The following CSMD1 variants were observed in gnomAD, a reference collection of about 807,000 sequenced individuals.
The protein encoded by CSMD1 is CUB and Sushi multiple domains 1.
CSMD1 carries 213 observed loss-of-function variants against 417.5 expected under a neutral mutation model. The ratio of observed to expected loss-of-function variants is 0.51; its 90% CI spans 0.46 to 0.57. The LOEUF (loss-of-function observed/expected upper bound fraction) is 0.57. CSMD1 is among the 20% of genes least tolerant of loss of function. The pLI is 0.00. For missense variants in CSMD1, 6,923 were observed against 4,529.7 expected (o/e 1.53, Z -15.17); for synonymous variants, 2,862 against 1,736.8 (o/e 1.65, Z -16.11).
At position 4,848,791 on chromosome 8, in the gene CSMD1, G is replaced by C. The variant is rs377437522; in HGVS notation, c.85+145541C>G. ...ACTGCTGACCTCAGGTGATTCGGCC[G>C]TCTCAGCCTTCCAAAGTGCTGGGAT... On this transcript the variant is annotated intron_variant, in intron 1 of 69. Transcript: ENST00000635120. Among the ~76,000 whole-genome samples the C allele has an allele frequency of 2.0e-5, 3 of 152,132 alleles. No homozygotes were observed. In the East Asian group the frequency reaches 5.8e-4, roughly 29 times the overall value.
At chr8:4,800,324 G>T (rs537985497) in intron 1 of CSMD1, among the ~76,000 whole-genome samples, 1 of 151,712 alleles carries the variant, frequency 6.6e-6, no homozygotes, top group South Asian at 2.1e-4. Flanking sequence ...CCACCTACTC[G>T]TGAGGCTGAG....
chr8:3,859,338 C>A (rs1585101145), intron 5 of CSMD1, among the ~76,000 whole-genome samples: 6 of 152,196 alleles, frequency 3.9e-5, no homozygotes, highest in Admixed American at 3.9e-4. Context: ...TTGTCACTTT[C>A]ATTCTCCATA....
intron 65 of CSMD1, among the ~76,000 whole-genome samples, chr8:2,951,957 G>C (rs13250846): frequency 0.16 from 24,350 of 152,118 alleles, 2,043 homozygotes; most frequent in African/African-American, 0.21. Flanking sequence ...AGTAATGAAA[G>C]GCAGTCTTTT....
At chr8:3,417,620 G>A (rs1260837154) in intron 12 of CSMD1, among the ~76,000 whole-genome samples, 2 of 152,080 alleles carry the variant, frequency 1.3e-5, no homozygotes, top group African/African-American at 4.8e-5. Flanking sequence ...GATTAAAATG[G>A]CCCAGAAATC....
intron 7 of CSMD1, among the ~76,000 whole-genome samples, chr8:3,632,471 T>A (rs1200401753): frequency 1.3e-5 from 2 of 152,134 alleles, no homozygotes; most frequent in Admixed American, 6.5e-5. Flanking sequence ...CCTACATATA[T>A]CTCATTAACA....
intron 2 of CSMD1, among the ~76,000 whole-genome samples, chr8:4,541,855 T>C (rs1056921191): frequency 3.2e-4 from 48 of 152,204 alleles, no homozygotes; most frequent in African/African-American, 1.1e-3. Context: ...CAGTCAGCAA[T>C]ATGAAATGCC....
chr8:4,070,929 G>C lies in CSMD1; in HGVS notation c.416-38830C>G, dbSNP rs1799522750. On this transcript the variant is annotated intron_variant, in intron 3 of 69. Transcript: ENST00000635120. ...CACTTTAATGATGTTGTTTTCTATG[G>C]ATGGCCTCCATGGTGTTTGATGTAA... 7.9e-5 allele frequency among the ~76,000 whole-genome samples: 12 copies of C among 152,082 alleles called. 1 individual carries two copies. In the South Asian group the frequency reaches 2.5e-3, roughly 32 times the overall value.
chr8:3,556,107 C>G (rs1489364643), intron 10 of CSMD1, among the ~76,000 whole-genome samples: 1 of 152,026 alleles, frequency 6.6e-6, no homozygotes, highest in African/African-American at 2.4e-5. Context: ...ACATAAGACT[C>G]CTCACAAAAC....
chr8:4,490,663 T>A (rs1417948919), intron 2 of CSMD1, among the ~76,000 whole-genome samples: 1 of 151,978 alleles, frequency 6.6e-6, no homozygotes, highest in African/African-American at 2.4e-5. Flanking sequence ...CTCAGAATGG[T>A]CTTAATATAC....
intron 5 of CSMD1, among the ~76,000 whole-genome samples, chr8:3,867,555 T>G (rs544347060): frequency 6.6e-6 from 1 of 152,116 alleles, no homozygotes; most frequent in Non-Finnish European, 1.5e-5. Context: ...GTGAGAGACG[T>G]CTAATCCTCT....
chr8:4,323,219 G>T (rs181163538), intron 3 of CSMD1, among the ~76,000 whole-genome samples: 2 of 152,268 alleles, frequency 1.3e-5, no homozygotes, highest in Non-Finnish European at 2.9e-5. Context: ...CCATGTGATT[G>T]TAAGAGAAGT....
intron 3 of CSMD1, among the ~76,000 whole-genome samples, chr8:4,134,237 C>T (rs541636590): frequency 2.1e-4 from 32 of 152,200 alleles, no homozygotes; most frequent in Admixed American, 1.4e-3. Flanking sequence ...CCCCAGAGTT[C>T]GTATGCTGAT....
At chr8:3,118,887 G>C (rs1005003977) in intron 41 of CSMD1, among the ~76,000 whole-genome samples, 1 of 152,172 alleles carries the variant, frequency 6.6e-6, no homozygotes, top group African/African-American at 2.4e-5. Context: ...AATTATTTAA[G>C]AAAGTAATAC....
chr8:3,225,148 A>G (rs1798424371), intron 27 of CSMD1, among the ~76,000 whole-genome samples: 1 of 152,148 alleles, frequency 6.6e-6, no homozygotes, highest in Non-Finnish European at 1.5e-5. Context: ...ATGCTTCACA[A>G]TTTTCAATAA....
chr8:3,847,278 G>A (rs1290871522), intron 5 of CSMD1, among the ~76,000 whole-genome samples: 2 of 152,162 alleles, frequency 1.3e-5, no homozygotes, highest in African/African-American at 4.8e-5. Flanking sequence ...TGATTTTTAA[G>A]TTAATCCAAA....
chr8:4,176,143 G>C lies in CSMD1; in HGVS notation c.416-144044C>G, dbSNP rs975159902. Among the ~76,000 whole-genome samples the C allele has an allele frequency of 2.6e-5, 4 of 152,022 alleles. 1 individual carries two copies. Among genetic ancestry groups the C allele is most frequent in the African/African-American group, 7.3e-5 (3 of 41,356 alleles). On this transcript the variant is annotated intron_variant, in intron 3 of 69. Coordinates refer to ENST00000635120, the MANE Select transcript of CSMD1 (RefSeq NM_033225.6). ...TCTCAAGGGCAGTCCACATTTATAGGGGTGGAAAAGAGACTCTATGTCTTG... is the reference window on the plus strand; with the variant it reads ...TCTCAAGGGCAGTCCACATTTATAGCGGTGGAAAAGAGACTCTATGTCTTG...
At chr8:4,743,232 A>G (rs1676938) in intron 1 of CSMD1, among the ~76,000 whole-genome samples, 18,915 of 152,164 alleles carry the variant, frequency 0.12, 1,305 homozygotes, top group East Asian at 0.29. Flanking sequence ...TATTTTAGAC[A>G]TAATCTATTT....
intron 2 of CSMD1, among the ~76,000 whole-genome samples, chr8:4,634,051 G>A (rs560866833): frequency 3.3e-5 from 5 of 150,220 alleles, no homozygotes; most frequent in East Asian, 3.9e-4. Context: ...ACAAAGATCA[G>A]ATTTTTCATT....
At chr8:4,332,341 C>T (rs1585249594) in intron 3 of CSMD1, among the ~76,000 whole-genome samples, 2 of 151,966 alleles carry the variant, frequency 1.3e-5, no homozygotes, top group South Asian at 2.1e-4. Context: ...CACCAAAACG[C>T]TGAAAAAGGA....
Sources: allele counts gnomAD v4.1 joint callset (sites outside exome capture counted in the v4.1 genomes callset), GRCh38; gene constraint gnomAD v4.1.1; transcripts MANE v1.5; gene names NCBI Gene and HGNC (gene_info 2026-07-23, HGNC 2026-07-21).